Variants in PRAMEF20 observed in about 807,000 individuals in gnomAD.
PRAMEF20 encodes PRAME family member 20/21.
Under a neutral mutation model 32.4 loss-of-function variants are expected in PRAMEF20, and 27 were observed. The ratio of observed to expected loss-of-function variants is 0.83; its 90% confidence interval spans 0.61 to 1.15. The LOEUF (loss-of-function observed/expected upper bound fraction) is 1.15, where lower values mean the gene tolerates loss of function less well. Ranked by LOEUF, PRAMEF20 falls within the 50% of genes most tolerant of loss-of-function variation. The pLI, the probability that PRAMEF20 is intolerant of heterozygous loss-of-function variation, is 0.00. For synonymous variants in PRAMEF20, 256 were observed against 235.4 expected (o/e 1.09, Z -0.80); for missense variants, 604 against 584.5 (o/e 1.03, Z -0.34).
chr1:13,417,559 C>T (rs1353921833), intron 1 of PRAMEF20, among the ~76,000 whole-genome samples: 1 of 150,422 alleles, frequency 6.6e-6, no homozygotes, highest in Middle Eastern at 3.4e-3. Flanking sequence ...GGCGAGATTG[C>T]GCCACTGCAC....
exon 2 of PRAMEF20, chr1:13,418,362 T>C: frequency 3.1e-6 from 5 of 1,613,758 alleles, no homozygotes; most frequent in Non-Finnish European, 4.2e-6. Flanking sequence ...AGAGGGAAGG[T>C]TTAGTACACC....
chr1:13,418,193 T>C (rs1641203178), exon 2 of PRAMEF20: 5 of 1,613,814 alleles, frequency 3.1e-6, no homozygotes, highest in Non-Finnish European at 4.2e-6. Context: ...TCTGAAGCCA[T>C]GGCCCGTAGG....
upstream of PRAMEF20, among the ~76,000 whole-genome samples, chr1:13,411,939 C>G (rs925007415): frequency 6.6e-6 from 1 of 152,182 alleles, no homozygotes; most frequent in Non-Finnish European, 1.5e-5. Context: ...TATCCTAACA[C>G]TAGAGACTTT....
chr1:13,412,162 C>T (rs1366976324), upstream of PRAMEF20, among the ~76,000 whole-genome samples: 1 of 152,084 alleles, frequency 6.6e-6, no homozygotes, highest in Non-Finnish European at 1.5e-5. Context: ...CGATTAGAGG[C>T]ATGAGCCACC....
chr1:13,420,616 C>T, intron 2 of PRAMEF20, 81 bp from the exon 4 acceptor site: 2 of 1,590,406 alleles, frequency 1.3e-6, no homozygotes, highest in South Asian at 1.1e-5. Flanking sequence ...GGTCTCCATC[C>T]ATCACTTTGA....
intron 2 of PRAMEF20, among the ~76,000 whole-genome samples, 191 bp from the exon 4 acceptor site, chr1:13,420,506 G>A (rs1641230597): frequency 6.6e-6 from 1 of 152,112 alleles, no homozygotes; most frequent in African/African-American, 2.4e-5. Context: ...ACTGCGCCAG[G>A]CCTAAAATGG....
exon 1 of PRAMEF20, chr1:13,416,629 G>A (rs1641177309): frequency 3.1e-6 from 5 of 1,614,146 alleles, no homozygotes; most frequent in Non-Finnish European, 3.4e-6. Flanking sequence ...CTTACCCACA[G>A]GGTTCGTCTC....
chr1:13,413,032 C>T (rs1427785182), upstream of PRAMEF20, among the ~76,000 whole-genome samples: 1 of 152,192 alleles, frequency 6.6e-6, no homozygotes, highest in Non-Finnish European at 1.5e-5. Context: ...TCTTTGTAAA[C>T]TGTTTTAACT....
At chr1:13,419,482 A>G (rs1318645925) in intron 2 of PRAMEF20, among the ~76,000 whole-genome samples, 7 of 151,124 alleles carry the variant, frequency 4.6e-5, no homozygotes, top group African/African-American at 1.7e-4. Context: ...TTTTTTTGAG[A>G]TGGAGTCTTG....
intron 1 of PRAMEF20, 116 bp from the exon 3 acceptor site, chr1:13,418,006 C>T: frequency 6.5e-7 from 1 of 1,539,304 alleles, no homozygotes; most frequent in Non-Finnish European, 8.8e-7. Flanking sequence ...GATCTCCTGA[C>T]CTTGTGATCC....
exon 1 of PRAMEF20, chr1:13,416,571 C>A: frequency 6.2e-7 from 1 of 1,614,138 alleles, no homozygotes; most frequent in Non-Finnish European, 8.5e-7. Flanking sequence ...GATGAAAAGG[C>A]CTTGCCCAGA....
upstream of PRAMEF20, among the ~76,000 whole-genome samples, chr1:13,414,806 T>TAG (rs1350836536): frequency 6.6e-6 from 1 of 151,756 alleles, no homozygotes; most frequent in African/African-American, 2.4e-5. Context: ...AATATATATA[T>TAG]ATAGAGAGAG....
chr1:13,412,047 T>A (rs899128586), upstream of PRAMEF20, among the ~76,000 whole-genome samples: 1,750 of 131,130 alleles, frequency 0.013, 25 homozygotes, highest in South Asian at 0.042. Context: ...TTTATTTATT[T>A]ATTTAATTTA....
chr1:13,417,910 TTGTGTGTGTGTGTGTGTGTG>T (rs71272484), intron 1 of PRAMEF20, among the ~76,000 whole-genome samples, 192 bp from the exon 3 acceptor site: 3 of 124,220 alleles, frequency 2.4e-5, no homozygotes, highest in African/African-American at 5.9e-5. Flanking sequence ...CCCGGCTAAT[TTGTGTGTGTGTGTGTGTGTG>T]TGTGTGTGTG....
chr1:13,413,358 G>T (rs897446283), upstream of PRAMEF20, among the ~76,000 whole-genome samples: 136 of 151,748 alleles, frequency 9.0e-4, 2 homozygotes, highest in East Asian at 0.021. Flanking sequence ...TTTCTTTTTT[G>T]TTGTTGTTGT....
At chr1:13,417,489 G>A (rs1641189290) in intron 1 of PRAMEF20, among the ~76,000 whole-genome samples, 1 of 151,638 alleles carries the variant, frequency 6.6e-6, no homozygotes, top group South Asian at 2.1e-4. Context: ...TGTAATCCCA[G>A]CTACTTGGGA....
At chr1:13,412,299 T>C (rs1370689228), upstream of PRAMEF20, among the ~76,000 whole-genome samples, 2 of 152,104 alleles carry the variant, frequency 1.3e-5, no homozygotes, top group East Asian at 3.9e-4. Context: ...ACTGCAGGCG[T>C]GAGCCACCAC....
rs1183108038 is a variant in PRAMEF20, at chr1:13,417,909, T to G, written c.288-213T>G. On this transcript the variant is annotated intron_variant, in intron 1 of 2. Coordinates refer to ENST00000602960, the Ensembl canonical transcript of PRAMEF20. ...GGCGCCCGCCACCACGCCCGGCTAA[T>G]TTGTGTGTGTGTGTGTGTGTGTGTG... Among the ~76,000 whole-genome samples, 395 of 109,920 alleles carry G rather than the reference T, an allele frequency of 3.6e-3. 3 individuals are homozygous for G. Among genetic ancestry groups the G allele is most frequent in the African/African-American group, 0.016 (379 of 24,136 alleles). 72.1% of individuals were successfully genotyped at this position (109,920 alleles called of 152,430 possible). A position where few individuals can be genotyped will look rare whatever the true frequency, so the allele number is the denominator to read the frequency against.
chr1:13,412,052 A>T (rs1001943974), upstream of PRAMEF20, among the ~76,000 whole-genome samples: 29 of 146,638 alleles, frequency 2.0e-4, no homozygotes, highest in Admixed American at 7.5e-4. Context: ...TTATTTATTT[A>T]ATTTAATTAA....
Sources: gnomAD v4.1 joint callset for allele counts (sites outside exome capture counted in the v4.1 genomes callset) on GRCh38, gnomAD v4.1.1 for gene constraint, MANE v1.5 for transcripts, NCBI Gene and HGNC (gene_info 2026-07-23, HGNC 2026-07-21) for gene names.